The following DMD variants were observed in gnomAD, a reference collection of about 807,000 sequenced individuals.
DMD encodes the protein mutant dystrophin.
In DMD, 63 loss-of-function variants were observed where a neutral mutation model predicts 330.1. The ratio of observed to expected loss-of-function variants is 0.19; its 90% CI spans 0.16 to 0.24. The LOEUF is 0.24. Among genes scored for constraint, DMD ranks in the 10% least tolerant of loss-of-function variants. The pLI is 1.00. For missense variants in DMD, 3,344 were observed against 2,684.1 expected (o/e 1.25, Z -5.43); for synonymous variants, 1,223 against 959.8 (o/e 1.27, Z -5.07).
chrX:31,246,901 G>C (rs1246736161), intron 63 of DMD, among the ~76,000 whole-genome samples: 1 of 109,703 alleles, frequency 9.1e-6, no homozygotes, highest in East Asian at 2.8e-4. Flanking sequence ...ACTCCAGCCT[G>C]GGTGACAGAG....
intron 55 of DMD, among the ~76,000 whole-genome samples, chrX:31,516,002 C>T (rs774934093): frequency 9.0e-6 from 1 of 111,025 alleles, no homozygotes; most frequent in African/African-American, 3.3e-5. Context: ...ACTGGTTATC[C>T]AACATGACTC....
intron 7 of DMD, among the ~76,000 whole-genome samples, chrX:32,781,335 C>A (rs1458842317): frequency 9.0e-6 from 1 of 110,822 alleles, no homozygotes; most frequent in African/African-American, 3.3e-5. Flanking sequence ...AGGAATTTTA[C>A]GTTGGATTAA....
chrX:31,316,281 A>G (rs996442959), intron 62 of DMD, among the ~76,000 whole-genome samples: 5 of 112,494 alleles, frequency 4.4e-5, no homozygotes, highest in Non-Finnish European at 9.4e-5. Context: ...CACAAATACT[A>G]CAAGATTGTT....
At chrX:32,220,612 T>C (rs2097128843) in intron 43 of DMD, among the ~76,000 whole-genome samples, 1 of 111,217 alleles carries the variant, frequency 9.0e-6, no homozygotes, top group African/African-American at 3.3e-5. Flanking sequence ...ACTTTTAAAC[T>C]CTTTTCCACC....
At chrX:32,242,649 A>G (rs1166018726) in intron 43 of DMD, among the ~76,000 whole-genome samples, 1 of 111,413 alleles carries the variant, frequency 9.0e-6, no homozygotes, top group Non-Finnish European at 1.9e-5. Flanking sequence ...AAAAGGTAAA[A>G]CATGCACCCT....
intron 60 of DMD, among the ~76,000 whole-genome samples, chrX:31,438,990 C>T (rs2064740161): frequency 9.0e-6 from 1 of 110,956 alleles, no homozygotes; most frequent in Non-Finnish European, 1.9e-5. Context: ...AATGAAGCCA[C>T]ACAAATACTC....
intron 44 of DMD, among the ~76,000 whole-genome samples, chrX:32,005,713 T>A (rs1419139627): frequency 9.0e-6 from 1 of 110,929 alleles, no homozygotes; most frequent in Non-Finnish European, 1.9e-5. Flanking sequence ...ATATCAAATA[T>A]CATTTTTCTA....
intron 2 of DMD, among the ~76,000 whole-genome samples, chrX:32,868,062 T>C (rs774640640): frequency 1.8e-5 from 2 of 109,327 alleles, no homozygotes; most frequent in Non-Finnish European, 3.8e-5. Context: ...GACTAGGCAG[T>C]TGGCATGAGA....
chrX:31,219,833 TACAC>T (rs58717973), intron 64 of DMD, among the ~76,000 whole-genome samples: 5 of 100,320 alleles, frequency 5.0e-5, no homozygotes, highest in African/African-American at 1.1e-4. Flanking sequence ...GATCAATGTA[TACAC>T]ACACACACAC....
intron 2 of DMD, among the ~76,000 whole-genome samples, chrX:32,882,139 G>T (rs2084012058): frequency 9.0e-6 from 1 of 111,709 alleles, no homozygotes; most frequent in Non-Finnish European, 1.9e-5. Context: ...CAGAGGTCCG[G>T]GCCTCAGTCC....
At position 31,234,939 on chromosome X, in the gene DMD, C is replaced by T. The variant is rs187550562; in HGVS notation, c.9287-11818G>A. ...AGAAAGCATGGGGGTAAGGGGGATTCTAGCTAAAAAAAACTTAACAGGAAC... is the reference window on the plus strand; with the variant it reads ...AGAAAGCATGGGGGTAAGGGGGATTTTAGCTAAAAAAAACTTAACAGGAAC... On this transcript the variant is annotated intron_variant, in intron 63 of 78. Transcript: ENST00000357033. Among the ~76,000 whole-genome samples, 467 of 107,367 alleles carry T rather than the reference C, an allele frequency of 4.3e-3. 2 individuals are homozygous for T. Among genetic ancestry groups the T allele is most frequent in the African/African-American group, 0.015 (434 of 28,516 alleles). 93.2% of individuals were successfully genotyped at this position (107,367 alleles called of 115,157 possible).
At chrX:31,325,314 C>T (rs770279267) in intron 61 of DMD, among the ~76,000 whole-genome samples, 2 of 110,190 alleles carry the variant, frequency 1.8e-5, no homozygotes, top group South Asian at 7.8e-4. Context: ...AAAACATGGG[C>T]TAAGGCCAGG....
intron 7 of DMD, among the ~76,000 whole-genome samples, chrX:32,782,118 A>C (rs766240217): frequency 8.9e-6 from 1 of 111,755 alleles, no homozygotes; most frequent in South Asian, 3.7e-4. Context: ...ACTTTGAAAA[A>C]TGTTCATTTC....
At chrX:32,829,904 A>G (rs1304257578) in intron 4 of DMD, among the ~76,000 whole-genome samples, 4 of 112,031 alleles carry the variant, frequency 3.6e-5, no homozygotes, top group Admixed American at 2.8e-4. Flanking sequence ...ATTCTCCACA[A>G]AAAGCTTTAA....
At chrX:31,673,260 A>G (rs776228711) in intron 53 of DMD, among the ~76,000 whole-genome samples, 2 of 112,300 alleles carry the variant, frequency 1.8e-5, no homozygotes, top group East Asian at 5.6e-4. Context: ...TGCCATTTTT[A>G]TTGAGAGTCA....
At chrX:31,951,372 T>C (rs1392493206) in intron 45 of DMD, among the ~76,000 whole-genome samples, 1 of 106,892 alleles carries the variant, frequency 9.4e-6, no homozygotes, top group Non-Finnish European at 1.9e-5. Context: ...GCATTTCAAA[T>C]TTCAGATTTT....
At chrX:32,828,939 GT>G (rs1367175961) in intron 4 of DMD, among the ~76,000 whole-genome samples, 2 of 111,237 alleles carry the variant, frequency 1.8e-5, no homozygotes, top group Non-Finnish European at 3.8e-5. Context: ...CTGTTAATAT[GT>G]TTTGCTCATT....
rs763719004 is a variant in DMD, at chrX:33,313,957, G to A, written c.7+25302C>T. 3.7e-3 allele frequency among the ~76,000 whole-genome samples: 408 copies of A among 110,329 alleles called. 2 individuals carry two copies. The highest frequency in any genetic ancestry group is 5.6e-3 in the Non-Finnish European group (298 of 52,893). ...ACATATTTGTGAGCTGTCATTAAAG[G>A]AAGCTAGAACAGAATGTAGTATGTC... is the stretch of plus-strand genomic sequence containing the variant. On this transcript the variant is annotated intron_variant, in intron 1 of 17. Transcript: ENST00000288447.
intron 7 of DMD, among the ~76,000 whole-genome samples, chrX:32,764,098 T>C (rs901859371): frequency 1.1e-5 from 1 of 94,275 alleles, no homozygotes; most frequent in Admixed American, 1.1e-4. Flanking sequence ...TAAGTTGAGG[T>C]TTTTTTTTTT....
Sources: allele counts gnomAD v4.1 joint callset (sites outside exome capture counted in the v4.1 genomes callset), GRCh38; gene constraint gnomAD v4.1.1; transcripts MANE v1.5; gene names NCBI Gene and HGNC (gene_info 2026-07-23, HGNC 2026-07-21).